PTPRD: variants seen among roughly 807,000 people sequenced by gnomAD.
PTPRD encodes the protein receptor-type tyrosine-protein phosphatase delta.
A neutral mutation model predicts 214.5 loss-of-function variants in PTPRD; 34 were observed. That is an observed-to-expected ratio of 0.16 (90% CI 0.12 to 0.21). The LOEUF (loss-of-function observed/expected upper bound fraction) is 0.21. PTPRD is among the 10% of genes least tolerant of loss of function. The probability of loss-of-function intolerance (pLI) is 1.00; values close to 1 mark genes in which losing one functional copy is unlikely to be tolerated. For missense variants in PTPRD, 2,545 were observed against 2,398.7 expected, an observed-to-expected ratio of 1.06 and a Z score of -1.27; for synonymous variants, 1,128 against 845.7, an observed-to-expected ratio of 1.33 and a Z score of -5.79.
At chr9:9,228,867 T>C (rs17667848) in intron 9 of PTPRD, among the ~76,000 whole-genome samples, 21,666 of 152,114 alleles carry the variant, frequency 0.14, 1,603 homozygotes, top group Middle Eastern at 0.15. Context: ...GGCAGAATTC[T>C]AATAAGCAGG....
At chr9:8,787,312 G>C (rs2154501425) in intron 11 of PTPRD, among the ~76,000 whole-genome samples, 1 of 152,284 alleles carries the variant, frequency 6.6e-6, no homozygotes, top group East Asian at 1.9e-4. Flanking sequence ...TTGAGCAACA[G>C]CAATATGGAG....
chr9:9,010,769 C>T (rs902365220), intron 11 of PTPRD, among the ~76,000 whole-genome samples: 1 of 152,108 alleles, frequency 6.6e-6, no homozygotes, highest in African/African-American at 2.4e-5. Context: ...CTATTAAGAA[C>T]ACTCTTTTTG....
At chr9:8,955,056 TTGA>T (rs1313523885) in intron 11 of PTPRD, among the ~76,000 whole-genome samples, 1 of 151,686 alleles carries the variant, frequency 6.6e-6, no homozygotes, top group Non-Finnish European at 1.5e-5. Flanking sequence ...AAGCAATAAA[TTGA>T]TGGAGAGGAA....
intron 4 of PTPRD, among the ~76,000 whole-genome samples, chr9:9,998,234 C>A (rs149604502): frequency 2.3e-4 from 34 of 150,712 alleles, no homozygotes; most frequent in Admixed American, 7.9e-4. Context: ...GGAGACAGAA[C>A]TGCCCTCGGA....
At chr9:9,931,491 T>A (rs10978101) in intron 5 of PTPRD, among the ~76,000 whole-genome samples, 53,510 of 151,960 alleles carry the variant, frequency 0.35, 10,156 homozygotes, top group East Asian at 0.73. Flanking sequence ...ATCGGGTCGC[T>A]CCCACCCGAA....
intron 10 of PTPRD, among the ~76,000 whole-genome samples, chr9:9,021,872 A>G (rs769059500): frequency 5.9e-5 from 9 of 152,126 alleles, no homozygotes; most frequent in Non-Finnish European, 8.8e-5. Context: ...TTATTACAAA[A>G]GAGTCAAAAA....
chr9:10,565,116 G>A (rs924202056), intron 2 of PTPRD, among the ~76,000 whole-genome samples: 1 of 151,778 alleles, frequency 6.6e-6, no homozygotes, highest in Non-Finnish European at 1.5e-5. Flanking sequence ...TAATAAATTT[G>A]ATTTCTCAAA....
intron 11 of PTPRD, among the ~76,000 whole-genome samples, chr9:8,736,959 T>C (rs1288358501): frequency 6.6e-6 from 1 of 152,166 alleles, no homozygotes; most frequent in Non-Finnish European, 1.5e-5. Flanking sequence ...ATGCCAGCAT[T>C]TCAAATGACA....
chr9:8,434,523 T>C (rs2095261016), intron 35 of PTPRD, among the ~76,000 whole-genome samples: 1 of 152,208 alleles, frequency 6.6e-6, no homozygotes, highest in Admixed American at 6.5e-5. Context: ...GGTGCATGAC[T>C]ATATTATTGC....
chr9:10,354,722 G>A (rs776552768), intron 2 of PTPRD, among the ~76,000 whole-genome samples: 4 of 152,220 alleles, frequency 2.6e-5, no homozygotes, highest in Admixed American at 6.5e-5. Context: ...CTACTGCTAG[G>A]GTGACGTTAT....
At chr9:8,817,003 A>G (rs1172454730) in intron 11 of PTPRD, among the ~76,000 whole-genome samples, 1 of 152,232 alleles carries the variant, frequency 6.6e-6, no homozygotes, top group Non-Finnish European at 1.5e-5. Flanking sequence ...ACCACTCAGC[A>G]TTTTTAAGGC....
chr9:10,501,133 T>C (rs539427832), intron 2 of PTPRD, among the ~76,000 whole-genome samples: 28 of 152,068 alleles, frequency 1.8e-4, no homozygotes, highest in African/African-American at 6.3e-4. Context: ...TTCTTAGTGG[T>C]TGTACTAATT....
intron 23 of PTPRD, among the ~76,000 whole-genome samples, chr9:8,504,042 T>G (rs2097483568): frequency 6.6e-6 from 1 of 152,154 alleles, no homozygotes; most frequent in South Asian, 2.1e-4. Context: ...TTAAAAGTCT[T>G]TCAGTGTAGG....
chr9:9,767,776 T>C (rs919245502), intron 5 of PTPRD, among the ~76,000 whole-genome samples: 2 of 152,112 alleles, frequency 1.3e-5, no homozygotes, highest in Non-Finnish European at 2.9e-5. Context: ...AATAGAAGTA[T>C]AAGCAATTTT....
At chr9:8,475,424 T>C (rs1466731583) in intron 30 of PTPRD, among the ~76,000 whole-genome samples, 1 of 152,112 alleles carries the variant, frequency 6.6e-6, no homozygotes, top group Non-Finnish European at 1.5e-5. Flanking sequence ...ATGGTGACAC[T>C]CCTCAAGGCT....
At chr9:9,056,640 C>T (rs1279467908) in intron 10 of PTPRD, among the ~76,000 whole-genome samples, 1 of 152,178 alleles carries the variant, frequency 6.6e-6, no homozygotes, top group African/African-American at 2.4e-5. Context: ...CACTTTCTTA[C>T]TGGGCAGTAA....
chr9:9,944,120 T>C (rs2092150818), intron 4 of PTPRD, among the ~76,000 whole-genome samples: 1 of 152,138 alleles, frequency 6.6e-6, no homozygotes, highest in Non-Finnish European at 1.5e-5. Context: ...CAGAAAACCT[T>C]CCAGTGACGT....
intron 7 of PTPRD, among the ~76,000 whole-genome samples, chr9:9,578,942 A>G (rs931862297): frequency 6.6e-6 from 1 of 152,120 alleles, no homozygotes; most frequent in Non-Finnish European, 1.5e-5. Context: ...ATTTTTATGT[A>G]TTAATTCATT....
chr9:8,530,287 T>C (rs927305879), intron 14 of PTPRD, among the ~76,000 whole-genome samples: 3 of 152,046 alleles, frequency 2.0e-5, no homozygotes, highest in Non-Finnish European at 4.4e-5. Context: ...TCAGGTCTCA[T>C]TTTTCTCAGC....
Sources: gnomAD v4.1 joint callset for allele counts (sites outside exome capture counted in the v4.1 genomes callset) on GRCh38, gnomAD v4.1.1 for gene constraint, MANE v1.5 for transcripts, NCBI Gene and HGNC (gene_info 2026-07-23, HGNC 2026-07-21) for gene names.